The following NAV2 variants were observed in gnomAD, a reference collection of about 807,000 sequenced individuals.
NAV2 encodes neuron navigator 2.
Under a neutral mutation model 223.2 loss-of-function variants are expected in NAV2, and 54 were observed. That is an observed-to-expected ratio of 0.24 (90% CI 0.19 to 0.30). The LOEUF (loss-of-function observed/expected upper bound fraction) is 0.30. Among genes scored for constraint, NAV2 ranks in the 10% least tolerant of loss-of-function variants. The pLI, the probability that NAV2 is intolerant of heterozygous loss-of-function variation, is 1.00. For synonymous variants in NAV2, 1,279 were observed against 1,239.3 expected, an observed-to-expected ratio of 1.03 and a Z score of -0.67; for missense variants, 2,806 against 3,147.5, an observed-to-expected ratio of 0.89 and a Z score of 2.60.
rs1354647301 is a variant in NAV2, at chr11:20,106,921, C to T, written c.6842-743C>T. 2.0e-5 allele frequency among the ~76,000 whole-genome samples: 3 copies of T among 151,890 alleles called. No individual in the cohort carries two copies. The East Asian group carries it at 5.8e-4, about 29-fold the overall frequency. ...TCGGCCTCCCAAAGTGCTGGGATTACAGGTGTGAGCCACCATGCCCAGCCA... is the reference window on the plus strand; with the variant it reads ...TCGGCCTCCCAAAGTGCTGGGATTATAGGTGTGAGCCACCATGCCCAGCCA... On this transcript the variant is annotated intron_variant, in intron 35 of 37. Coordinates refer to ENST00000349880, the MANE Select transcript of NAV2 (RefSeq NM_145117.5).
At chr11:19,626,896 T>A (rs2047187124) in intron 1 of NAV2, among the ~76,000 whole-genome samples, 1 of 152,212 alleles carries the variant, frequency 6.6e-6, no homozygotes, top group South Asian at 2.1e-4. Context: ...TTTTCTTAAT[T>A]ATAAAATGGG....
intron 1 of NAV2, among the ~76,000 whole-genome samples, chr11:19,728,048 C>T (rs2051393648): frequency 1.3e-5 from 2 of 152,204 alleles, no homozygotes; most frequent in Admixed American, 1.3e-4. Flanking sequence ...GACAGGGAAG[C>T]TGTCCTATGA....
At chr11:19,510,853 G>A (rs2043257158) in intron 1 of NAV2, 2 of 152,228 alleles carry the variant, frequency 1.3e-5, no homozygotes, top group African/African-American at 4.8e-5. Flanking sequence ...ACAGACCAAC[G>A]AGCACAGAGG....
chr11:19,927,213 G>A (rs1357223111), intron 6 of NAV2, among the ~76,000 whole-genome samples: 1 of 152,144 alleles, frequency 6.6e-6, no homozygotes, highest in Non-Finnish European at 1.5e-5. Flanking sequence ...AGTTGGTGGT[G>A]GGCCAACCTT....
chr11:19,736,967 G>A (rs2052371444), intron 1 of NAV2, among the ~76,000 whole-genome samples: 2 of 152,366 alleles, frequency 1.3e-5, no homozygotes, highest in African/African-American at 4.8e-5. Flanking sequence ...GCCCCATTTT[G>A]GCGGGCCGGT....
intron 11 of NAV2, chr11:20,022,699 TAAAG>T: frequency 9.8e-7 from 1 of 1,016,138 alleles, no homozygotes; most frequent in Non-Finnish European, 1.2e-6. Context: ...TGTGAGGATT[TAAAG>T]TAGTTTTTCA....
intron 16 of NAV2, among the ~76,000 whole-genome samples, chr11:20,050,644 C>T (rs1435631720): frequency 6.6e-6 from 1 of 151,932 alleles, no homozygotes; most frequent in African/African-American, 2.4e-5. Context: ...ACAAACCAAG[C>T]CTTTAAACCG....
chr11:19,531,022 G>A (rs1213312949), intron 1 of NAV2, among the ~76,000 whole-genome samples: 2 of 151,874 alleles, frequency 1.3e-5, no homozygotes, highest in South Asian at 2.1e-4. Flanking sequence ...ATTAAATATC[G>A]GTATGTATTT....
At position 20,040,589 on chromosome 11, in the gene NAV2, CA is replaced by C. The variant is rs1260286662; in HGVS notation, c.2908-3391del. On this transcript the variant is annotated intron_variant, in intron 12 of 37. Coordinates refer to ENST00000349880, the MANE Select transcript of NAV2 (RefSeq NM_145117.5). The stretch of plus-strand genomic sequence containing the variant: ...CCCCCACATCATGCTCCTCAGGCCT[CA>C]CCTCTTGCTCTCAGAAGACTGGCCT... Among the ~76,000 whole-genome samples, 24 of 152,352 alleles carry C rather than the reference CA, an allele frequency of 1.6e-4. No homozygotes were observed. The South Asian group carries it at 4.8e-3, about 30-fold the overall frequency.
At chr11:20,006,548 G>A (rs1215772160) in intron 11 of NAV2, among the ~76,000 whole-genome samples, 2 of 152,062 alleles carry the variant, frequency 1.3e-5, no homozygotes, top group Admixed American at 6.6e-5. Flanking sequence ...GGTGGCAGGT[G>A]CCTATAATCC....
chr11:19,788,342 G>T (rs1439241353), intron 1 of NAV2, among the ~76,000 whole-genome samples: 2 of 152,208 alleles, frequency 1.3e-5, no homozygotes, highest in South Asian at 4.1e-4. Context: ...TGTAGTAAAT[G>T]GTCCCACCAC....
At chr11:20,064,415 A>G (rs1294548018) in intron 20 of NAV2, among the ~76,000 whole-genome samples, 2 of 152,198 alleles carry the variant, frequency 1.3e-5, no homozygotes, top group African/African-American at 4.8e-5. Context: ...GCTGTAGTGG[A>G]TGTTTCAGTG....
chr11:19,601,087 TCTGTACACCTGGCA>T (rs1458534691), intron 1 of NAV2, among the ~76,000 whole-genome samples: 2 of 152,206 alleles, frequency 1.3e-5, no homozygotes, highest in South Asian at 2.1e-4. Flanking sequence ...ATCTGTCATC[TCTGTACACCTGGCA>T]CTGGGCACAG....
chr11:20,086,679 C>T (rs1406280842), intron 26 of NAV2, among the ~76,000 whole-genome samples: 1 of 152,136 alleles, frequency 6.6e-6, no homozygotes, highest in Non-Finnish European at 1.5e-5. Flanking sequence ...CCACTGATAA[C>T]AGTAGTGAGT....
rs145010345 is a variant in NAV2 at position 19,837,152 on chromosome 11, A to G, written c.385+4551A>G. Among the ~76,000 whole-genome samples the G allele has an allele frequency of 4.2e-3, 633 of 152,326 alleles. 7 individuals are homozygous for G. The Middle Eastern group carries it at 0.061, about 15-fold the overall frequency. ...CTACAAAGAATAATCCAATCTGGGG[A>G]CAGTGTGAACATCAAAATCAATTGA... On this transcript the variant is annotated intron_variant, in intron 2 of 37. Coordinates refer to ENST00000349880, the MANE Select transcript of NAV2 (RefSeq NM_145117.5).
chr11:19,690,302 T>A (rs1024500120), intron 1 of NAV2, among the ~76,000 whole-genome samples: 1 of 152,234 alleles, frequency 6.6e-6, no homozygotes, highest in Non-Finnish European at 1.5e-5. Context: ...TTCATGCTTA[T>A]GTTTACCACC....
At chr11:19,428,864 A>G (rs918744332) in intron 1 of NAV2, among the ~76,000 whole-genome samples, 2 of 152,224 alleles carry the variant, frequency 1.3e-5, no homozygotes, top group African/African-American at 4.8e-5. Flanking sequence ...TTCTTCATCC[A>G]TATCAGGAAA....
intron 1 of NAV2, among the ~76,000 whole-genome samples, chr11:19,595,997 G>A (rs757390742): frequency 3.3e-5 from 5 of 152,152 alleles, no homozygotes; most frequent in Admixed American, 1.3e-4. Context: ...TGTACCACGT[G>A]CAGTGCACTC....
At chr11:19,555,449 G>C (rs1267287506) in intron 1 of NAV2, among the ~76,000 whole-genome samples, 2 of 152,084 alleles carry the variant, frequency 1.3e-5, no homozygotes, top group Admixed American at 6.5e-5. Context: ...CCAGACCTGG[G>C]GGGGGCTCTG....
Sources: allele counts gnomAD v4.1 joint callset (sites outside exome capture counted in the v4.1 genomes callset), GRCh38; gene constraint gnomAD v4.1.1; transcripts MANE v1.5; gene names NCBI Gene and HGNC (gene_info 2026-07-23, HGNC 2026-07-21).